LAMA4: variants seen among roughly 807,000 people sequenced by gnomAD.
The protein encoded by LAMA4 is laminin subunit alpha-4.
Under a neutral mutation model 207.1 loss-of-function variants are expected in LAMA4, and 127 were observed. The observed-to-expected ratio is 0.61, with a 90% CI of 0.53 to 0.71. The LOEUF (loss-of-function observed/expected upper bound fraction) is 0.71, where lower values mean the gene tolerates loss of function less well. Ranked by LOEUF, LAMA4 falls within the 30% of genes least tolerant of loss-of-function variation. The pLI is 0.00. For missense variants in LAMA4, 2,093 were observed against 2,246.5 expected (o/e 0.93, Z 1.38); for synonymous variants, 761 against 816.0 (o/e 0.93, Z 1.15).
intron 18 of LAMA4, among the ~76,000 whole-genome samples, chr6:112,147,162 G>GA (rs1226734583): frequency 3.9e-5 from 6 of 151,936 alleles, no homozygotes; most frequent in Non-Finnish European, 5.9e-5. Flanking sequence ...TAAAAAATGG[G>GA]AAAAAAATGT....
Position 112,158,833 on chromosome 6 carries a change from T to C in LAMA4, c.1716A>G (p.Leu572=), listed in dbSNP as rs1057524660. Residue 572 remains leucine (L), a synonymous_variant, in exon 14 of 39, where the codon CTA becomes CTG. Coordinates refer to ENST00000230538, the MANE Select transcript of LAMA4 (RefSeq NM_001105206.3). ...YAEIDGAKSE[L]QVKLSNLSNL... is the part of the protein sequence containing the mutation. ...TACTTAGGTTAGATAGTTTTACTTG[T>C]AGTTCACTTTTGGCTCCATCTATTT... is the stretch of plus-strand genomic sequence containing the variant. The C allele has an allele frequency of 6.2e-7, 1 of 1,613,208 alleles. No individual in the cohort carries two copies. Among genetic ancestry groups the C allele is most frequent in the East Asian group, 2.2e-5 (1 of 44,858 alleles).
intron 16 of LAMA4, 46 bp from the exon 17 acceptor site, chr6:112,150,673 T>A: frequency 7.7e-7 from 1 of 1,303,562 alleles, no homozygotes; most frequent in Non-Finnish European, 1.1e-6. Context: ...CCAAGATGCC[T>A]CGAAAAGGAT....
intron 22 of LAMA4, 31 bp from the exon 23 acceptor site, chr6:112,139,916 C>G (rs781888917): frequency 6.2e-7 from 1 of 1,611,604 alleles, no homozygotes; most frequent in Non-Finnish European, 8.5e-7. Flanking sequence ...AACCACTTGT[C>G]TCATGGTCAT....
intron 28 of LAMA4, among the ~76,000 whole-genome samples, chr6:112,131,730 G>A (rs759331313): frequency 2.0e-5 from 3 of 152,022 alleles, no homozygotes; most frequent in Non-Finnish European, 4.4e-5. Flanking sequence ...TGGGTCAGAA[G>A]TTCTACAAAA....
intron 2 of LAMA4, chr6:112,251,468 T>G (rs1554189842): frequency 6.6e-6 from 1 of 152,224 alleles, no homozygotes; most frequent in South Asian, 2.1e-4. Flanking sequence ...GAAGGAGAAT[T>G]GCAGAATAAC....
intron 18 of LAMA4, among the ~76,000 whole-genome samples, chr6:112,147,883 A>T (rs1203015676): frequency 1.3e-5 from 2 of 152,208 alleles, no homozygotes; most frequent in African/African-American, 4.8e-5. Context: ...ACGTTGATAC[A>T]ATTGCTACCA....
In LAMA4 at chr6:112,139,891, C is replaced by A; in HGVS notation, c.2977-6G>T. Reference sequence around the variant, plus strand: ...AGGTTTAAGCTGGTAGGGAGCTATGCAATAGAAAAAGTAAAACCACTTGTC... The same window carrying A: ...AGGTTTAAGCTGGTAGGGAGCTATGAAATAGAAAAAGTAAAACCACTTGTC... On this transcript the variant is annotated splice_polypyrimidine_tract_variant and splice_region_variant and intron_variant, in intron 22 of 38. Transcript: ENST00000230538. The A allele has an allele frequency of 6.2e-7, 1 of 1,613,876 alleles. No homozygotes were observed. The highest frequency in any genetic ancestry group is 8.5e-7 in the Non-Finnish European group (1 of 1,179,834).
intron 8 of LAMA4, 171 bp downstream of exon 8, chr6:112,187,279 T>C (rs1782740825): frequency 2.5e-6 from 2 of 803,242 alleles, no homozygotes; most frequent in Middle Eastern, 4.7e-4. Context: ...ACAATCAACT[T>C]TTCATAATTT....
chr6:112,195,832 C>T (rs942217409), intron 5 of LAMA4, among the ~76,000 whole-genome samples: 1 of 151,934 alleles, frequency 6.6e-6, no homozygotes, highest in African/African-American at 2.4e-5. Context: ...CGTTGAGGGT[C>T]TTGGGTTTTA....
At position 112,134,384 on chromosome 6, in the gene LAMA4, G is replaced by A. The variant is rs144212185; in HGVS notation, c.3557+83C>T. The A allele has an allele frequency of 3.6e-3, 4,973 of 1,383,032 alleles. 25 individuals carry two copies. The highest frequency in any genetic ancestry group is 3.5e-3 in the Non-Finnish European group (3,402 of 973,740). The allele number at this position is 1,383,032 out of a possible 1,614,324, so 85.7% of individuals were successfully genotyped here. ...GTGTAAAAGTAGCAAGTAAGGGTGC[G>A]TACACTGTTACTAGACCTCTCCTGG... On this transcript the variant is annotated intron_variant, in intron 26 of 38. Transcript: ENST00000230538.
intron 32 of LAMA4, among the ~76,000 whole-genome samples, chr6:112,121,295 C>A (rs1360076824): frequency 2.0e-5 from 3 of 152,156 alleles, no homozygotes; most frequent in African/African-American, 7.2e-5. Context: ...GAAATTTAGC[C>A]CCAGGCTATG....
intron 9 of LAMA4, among the ~76,000 whole-genome samples, chr6:112,183,406 T>TGAA (rs1291257992): frequency 6.6e-6 from 1 of 152,186 alleles, no homozygotes; most frequent in Non-Finnish European, 1.5e-5. Flanking sequence ...AACAGCTGGG[T>TGAA]GAAAGTTCCT....
At chr6:112,112,196 C>G (rs1777742788) in intron 38 of LAMA4, among the ~76,000 whole-genome samples, 1 of 152,130 alleles carries the variant, frequency 6.6e-6, no homozygotes, top group Non-Finnish European at 1.5e-5. Flanking sequence ...AAAGTCTGAG[C>G]TGAGTCCTAA....
chr6:112,202,198 A>G (rs1554352772), intron 4 of LAMA4, among the ~76,000 whole-genome samples: 1 of 152,216 alleles, frequency 6.6e-6, no homozygotes, highest in East Asian at 1.9e-4. Flanking sequence ...TGAAAGTCCC[A>G]GTCAAGTACT....
intron 26 of LAMA4, 150 bp from the exon 27 acceptor site, chr6:112,133,637 A>T (rs911441615): frequency 2.0e-6 from 2 of 1,006,628 alleles, no homozygotes; most frequent in Non-Finnish European, 3.0e-6. Context: ...GCACACAGCA[A>T]TGTCTAATCT....
At chr6:112,232,456 T>C (rs1785626859) in intron 2 of LAMA4, among the ~76,000 whole-genome samples, 1 of 152,250 alleles carries the variant, frequency 6.6e-6, no homozygotes, top group South Asian at 2.1e-4. Flanking sequence ...TTCCCTAAGA[T>C]TTCATTTTTA....
intron 3 of LAMA4, among the ~76,000 whole-genome samples, chr6:112,214,843 C>T (rs1784537793): frequency 6.6e-6 from 1 of 152,168 alleles, no homozygotes; most frequent in Non-Finnish European, 1.5e-5. Context: ...GAGATAAAGC[C>T]ATGATTGCTC....
chr6:112,180,485 T>C (rs982723743), intron 9 of LAMA4, among the ~76,000 whole-genome samples: 7 of 152,188 alleles, frequency 4.6e-5, no homozygotes, highest in Non-Finnish European at 5.9e-5. Context: ...TATAGGCACG[T>C]GGGAAAACAG....
Position 112,150,798 on chromosome 6 carries a change from G to A in LAMA4, c.2057-171C>T, listed in dbSNP as rs1054678464. 3.3e-5 allele frequency among the ~76,000 whole-genome samples: 5 copies of A among 152,154 alleles called. No individual in the cohort carries two copies. In the South Asian group the frequency reaches 6.2e-4, roughly 19 times the overall value. On this transcript the variant is annotated intron_variant, in intron 16 of 38. Transcript: ENST00000230538. Reference sequence around the variant, plus strand: ...TTCTGGAAAGTAGCATTTAAAATTCGAGGTACAGAATTGCAGAACACTTGT... The same window carrying A: ...TTCTGGAAAGTAGCATTTAAAATTCAAGGTACAGAATTGCAGAACACTTGT...
Sources: allele counts gnomAD v4.1 joint callset (sites outside exome capture counted in the v4.1 genomes callset), GRCh38; gene constraint gnomAD v4.1.1; transcripts MANE v1.5; gene names NCBI Gene and HGNC (gene_info 2026-07-23, HGNC 2026-07-21).